Variants in C14orf132 observed in about 807,000 individuals in gnomAD.
C14orf132 encodes the protein uncharacterized protein C14orf132.
In C14orf132, 6 loss-of-function variants were observed where a neutral mutation model predicts 5.8. The ratio of observed to expected loss-of-function variants is 1.03; its 90% confidence interval spans 0.57 to 2.04. C14orf132 has a LOEUF of 2.04. Among genes scored for constraint, C14orf132 ranks in the 30% most tolerant of loss-of-function variants. C14orf132 has a pLI of 0.00. For missense variants in C14orf132, 125 were observed against 115.8 expected, an observed-to-expected ratio of 1.08 and a Z score of -0.37; for synonymous variants, 51 against 49.8, an observed-to-expected ratio of 1.02 and a Z score of -0.10.
chr14:96,040,571 T>A lies in C14orf132; in HGVS notation c.27+1044T>A, dbSNP rs1182860305. ...CTTTTTCCCCAAGCTTCACCTGTAG[T>A]GGAAGCCTGTTTAAAAAGTGACAGC... On this transcript the variant is annotated intron_variant, in intron 1 of 1. Coordinates refer to ENST00000555004, the MANE Select transcript of C14orf132 (RefSeq NM_001252507.3). 2.6e-5 allele frequency among the ~76,000 whole-genome samples: 4 copies of A among 152,276 alleles called. No homozygotes were observed. In the East Asian group the frequency reaches 7.7e-4, roughly 29 times the overall value.
At chr14:96,041,579 C>G (rs990467135) in intron 1 of C14orf132, among the ~76,000 whole-genome samples, 17 of 152,212 alleles carry the variant, frequency 1.1e-4, no homozygotes, top group African/African-American at 3.9e-4. Flanking sequence ...CCCATTATCC[C>G]CATAAGGATG....
In C14orf132 at chr14:96,088,982, G is replaced by A. The variant is rs544504645; in HGVS notation, c.*2247G>A. ...GTTTTCAAGCCTCTCTCCCTTTTCA[G>A]TGTCAGAGCAGTAGATGGTCCAGGG... On this transcript the variant is annotated 3_prime_UTR_variant, in exon 2 of 2. Transcript: ENST00000555004. The A allele has an allele frequency of 3.3e-5, 5 of 152,400 alleles. No individual in the cohort carries two copies. The highest frequency in any genetic ancestry group is 1.2e-4 in the African/African-American group (5 of 41,592). 9.4% of individuals were successfully genotyped at this position (152,400 alleles called of 1,614,324 possible). A position where few individuals can be genotyped will look rare whatever the true frequency, so the allele number is the denominator to read the frequency against.
At chr14:96,046,756 T>C (rs570288674) in intron 1 of C14orf132, among the ~76,000 whole-genome samples, 2 of 152,358 alleles carry the variant, frequency 1.3e-5, no homozygotes, top group African/African-American at 4.8e-5. Flanking sequence ...TATCCCCTGC[T>C]AATTCCCCTT....
In C14orf132 at chr14:96,087,257, T is replaced by C. The variant is rs1888225175; in HGVS notation, c.*522T>C. 6.5e-6 allele frequency: 1 copy of C among 153,982 alleles called. No individual in the cohort carries two copies. The highest frequency in any genetic ancestry group is 2.4e-5 in the African/African-American group (1 of 41,264). The allele number at this position is 153,982 out of a possible 1,614,324, so 9.5% of individuals were successfully genotyped here. A position where few individuals can be genotyped will look rare whatever the true frequency, so the allele number is the denominator to read the frequency against. On this transcript the variant is annotated 3_prime_UTR_variant, in exon 2 of 2. Transcript: ENST00000555004. ...GGATGTTCCTAGTTTGACTTTGAAATGGCACCTTTGCCACCAGACACCTGG... is the reference window on the plus strand; with the variant it reads ...GGATGTTCCTAGTTTGACTTTGAAACGGCACCTTTGCCACCAGACACCTGG...
intron 1 of C14orf132, among the ~76,000 whole-genome samples, chr14:96,077,537 T>C (rs10143901): frequency 0.27 from 41,634 of 151,878 alleles, 5,945 homozygotes; most frequent in Non-Finnish European, 0.32. Flanking sequence ...AGGGAGAAGG[T>C]GGCCACCTGC....
At chr14:96,057,382 C>G (rs1422163283) in intron 1 of C14orf132, among the ~76,000 whole-genome samples, 1 of 152,226 alleles carries the variant, frequency 6.6e-6, no homozygotes, top group African/African-American at 2.4e-5. Flanking sequence ...CTTGGACTTC[C>G]TAACCTCCAG....
chr14:96,080,003 A>C (rs536036690), intron 1 of C14orf132, among the ~76,000 whole-genome samples: 1 of 152,346 alleles, frequency 6.6e-6, no homozygotes, highest in African/African-American at 2.4e-5. Flanking sequence ...AATATGTGGG[A>C]TATACTTATG....
chr14:96,051,080 C>T (rs1477492826), intron 1 of C14orf132: 1 of 398,214 alleles, frequency 2.5e-6, no homozygotes, highest in African/African-American at 2.1e-5. Context: ...TCCCTGTCTC[C>T]CAAATGCCAC....
rs1886966802 is a variant in C14orf132 at position 96,049,640 on chromosome 14, G to GTATATATATACATATATACGTA, written c.27+10123_27+10124insCATATATACGTATATATATATA. Among the ~76,000 whole-genome samples the GTATATATATACATATATACGTA allele has an allele frequency of 6.7e-5, 3 of 44,562 alleles. 1 individual carries two copies. Among genetic ancestry groups the GTATATATATACATATATACGTA allele is most frequent in the African/African-American group, 2.9e-4 (3 of 10,514 alleles). The allele number at this position is 44,562 out of a possible 152,430, so 29.2% of individuals were successfully genotyped here. On this transcript the variant is annotated intron_variant, in intron 1 of 1. Transcript: ENST00000555004. ...TATACGTATATATATACATATATAC[G>GTATATATATACATATATACGTA]TATATATATATATAGAGAGAGAGAG...
In C14orf132 at chr14:96,092,347, T is replaced by A. The variant is rs889380540; in HGVS notation, c.*5612T>A. On this transcript the variant is annotated 3_prime_UTR_variant, in exon 2 of 2. Coordinates refer to ENST00000555004, the MANE Select transcript of C14orf132 (RefSeq NM_001252507.3). ...CTCTTGGGTCCTTTTTCAAGCTGAT[T>A]TCCTGCCTCCCCAAGAGGAGGTTTG... 6.6e-6 allele frequency: 1 copy of A among 152,196 alleles called. No homozygotes were observed. Among genetic ancestry groups the A allele is most frequent in the Non-Finnish European group, 1.5e-5 (1 of 68,036 alleles). The allele number at this position is 152,196 out of a possible 1,614,324, so 9.4% of individuals were successfully genotyped here.
intron 1 of C14orf132, among the ~76,000 whole-genome samples, chr14:96,050,785 G>T (rs770619502): frequency 6.6e-6 from 1 of 151,930 alleles, no homozygotes; most frequent in African/African-American, 2.4e-5. Flanking sequence ...CATCTCTCGA[G>T]GGTCACTGTC....
chr14:96,045,550 C>A, intron 1 of C14orf132, among the ~76,000 whole-genome samples: 1 of 152,174 alleles, frequency 6.6e-6, no homozygotes, highest in East Asian at 1.9e-4. Context: ...GAGAGCTTGG[C>A]CAGCCTGGCC....
chr14:96,071,591 G>A (rs1887708701), intron 1 of C14orf132, among the ~76,000 whole-genome samples: 1 of 152,190 alleles, frequency 6.6e-6, no homozygotes, highest in Non-Finnish European at 1.5e-5. Flanking sequence ...ACTGCCCCCT[G>A]GGGATCCCCA....
At chr14:96,075,375 T>C (rs1887831203) in intron 1 of C14orf132, among the ~76,000 whole-genome samples, 1 of 152,204 alleles carries the variant, frequency 6.6e-6, no homozygotes, top group Non-Finnish European at 1.5e-5. Flanking sequence ...CTTCTTTATA[T>C]ATAAGGCATC....
At chr14:96,042,594 G>C (rs963511913) in intron 1 of C14orf132, among the ~76,000 whole-genome samples, 3 of 152,200 alleles carry the variant, frequency 2.0e-5, no homozygotes, top group Non-Finnish European at 4.4e-5. Flanking sequence ...ATTTTAGAAA[G>C]ATTTTCCACT....
chr14:96,064,363 T>TATATACAC (rs1555385083), intron 1 of C14orf132, among the ~76,000 whole-genome samples: 69 of 135,878 alleles, frequency 5.1e-4, no homozygotes, highest in Middle Eastern at 7.4e-3. Flanking sequence ...GGTGCATATA[T>TATATACAC]ACACACACAC....
chr14:96,048,294 G>A (rs960085622), intron 1 of C14orf132, among the ~76,000 whole-genome samples: 3 of 152,168 alleles, frequency 2.0e-5, no homozygotes, highest in South Asian at 2.1e-4. Flanking sequence ...GTGGATCCAC[G>A]TTATAGACAG....
rs1470990175 is a variant in C14orf132, at chr14:96,086,441, T to C, written c.28-70T>C. 7.8e-6 allele frequency: 11 copies of C among 1,411,578 alleles called. No homozygotes were observed. The East Asian group carries it at 2.2e-4, about 29-fold the overall frequency. 87.4% of individuals were successfully genotyped at this position (1,411,578 alleles called of 1,614,324 possible). On this transcript the variant is annotated intron_variant, in intron 1 of 1. Coordinates refer to ENST00000555004, the MANE Select transcript of C14orf132 (RefSeq NM_001252507.3). Reference sequence around the variant, plus strand: ...ATGTGGGGTTGTTTGACCAGACCACTTCCCTTTTGCAGGGTACATCTGCCC... The same window carrying C: ...ATGTGGGGTTGTTTGACCAGACCACCTCCCTTTTGCAGGGTACATCTGCCC...
rs1024866736 is a variant in C14orf132 at position 96,092,964 on chromosome 14, C to T, written c.*6229C>T. ...CCCCCCACAAATAAGAATTATCCAG[C>T]CCCAAAATGCCAATAGTGCCGAGGT... On this transcript the variant is annotated 3_prime_UTR_variant, in exon 2 of 2. Transcript: ENST00000555004. 4.6e-5 allele frequency: 7 copies of T among 152,254 alleles called. No individual in the cohort carries two copies. Among genetic ancestry groups the T allele is most frequent in the African/African-American group, 1.7e-4 (7 of 41,450 alleles). 9.4% of individuals were successfully genotyped at this position (152,254 alleles called of 1,614,324 possible). A position where few individuals can be genotyped will look rare whatever the true frequency, so the allele number is the denominator to read the frequency against.
Sources: allele counts gnomAD v4.1 joint callset (sites outside exome capture counted in the v4.1 genomes callset), GRCh38; gene constraint gnomAD v4.1.1; transcripts MANE v1.5; gene names NCBI Gene and HGNC (gene_info 2026-07-23, HGNC 2026-07-21).